The following FAM78A variants were observed in gnomAD, a reference collection of about 807,000 sequenced individuals.
The protein encoded by FAM78A is family with sequence similarity 78 member A.
FAM78A carries 12 observed loss-of-function variants against 22.6 expected under a neutral mutation model. The observed-to-expected ratio is 0.53, with a 90% CI of 0.34 to 0.86. FAM78A has a LOEUF of 0.86. FAM78A is among the 40% of genes least tolerant of loss of function. The pLI is 0.02. For synonymous variants in FAM78A, 151 were observed against 155.8 expected (o/e 0.97, Z 0.23); for missense variants, 322 against 396.1 (o/e 0.81, Z 1.59).
chr9:131,280,831 A>C (rs1049736032), upstream of FAM78A, among the ~76,000 whole-genome samples: 1 of 152,176 alleles, frequency 6.6e-6, no homozygotes, highest in East Asian at 1.9e-4. Flanking sequence ...CAGCATCTTC[A>C]TGGCTTTCCA....
chr9:131,268,263 G>A (rs12005574), intron 1 of FAM78A, among the ~76,000 whole-genome samples: 13,628 of 152,108 alleles, frequency 0.09, 1,791 homozygotes, highest in African/African-American at 0.29. Context: ...TTACAGAAAC[G>A]AATGCCCAAG....
Position 131,258,380 on chromosome 9 carries a change from C to T in FAM78A, c.*2442G>A, listed in dbSNP as rs904867322. On this transcript the variant is annotated 3_prime_UTR_variant, in exon 2 of 2. Coordinates refer to ENST00000372271, the MANE Select transcript of FAM78A (RefSeq NM_033387.4). ...AGCAGACCGGGGCTCAGCTGAGCGT[C>T]CGTGGCCGGACCTGCAGCCTCTCCA... The T allele has an allele frequency of 2.0e-5, 3 of 152,556 alleles. No homozygotes were observed. The East Asian group carries it at 5.8e-4, about 30-fold the overall frequency. The allele number at this position is 152,556 out of a possible 1,614,324, so 9.5% of individuals were successfully genotyped here.
rs1835432931 is a variant in FAM78A, at chr9:131,272,484, C to T, written c.323+3373G>A. Among the ~76,000 whole-genome samples, 1 of 152,246 alleles carries T rather than the reference C, an allele frequency of 6.6e-6. No individual in the cohort carries two copies. Among genetic ancestry groups the T allele is most frequent in the African/African-American group, 2.4e-5 (1 of 41,464 alleles). On this transcript the variant is annotated intron_variant, in intron 1 of 1. Coordinates refer to ENST00000372271, the MANE Select transcript of FAM78A (RefSeq NM_033387.4). The surrounding 1 kb of genome is among the most constrained non-coding windows in gnomAD (Gnocchi z 4.1). ...CCCCCCACCAGCACAGACAGAATTA[C>T]CTGACCCTGGGCCAGGCAGAGCAGA...
At chr9:131,273,755 T>C (rs1835447083) in intron 1 of FAM78A, among the ~76,000 whole-genome samples, 3 of 152,192 alleles carry the variant, frequency 2.0e-5, no homozygotes, top group African/African-American at 4.8e-5. Context: ...CATTACTGCC[T>C]GCGGTAAGTA....
rs1835331462 is a variant in FAM78A, at chr9:131,265,394, T to C, written c.324-4044A>G. On this transcript the variant is annotated intron_variant, in intron 1 of 1. Coordinates refer to ENST00000372271, the MANE Select transcript of FAM78A (RefSeq NM_033387.4). The surrounding 1 kb of genome is among the most constrained non-coding windows in gnomAD (Gnocchi z 4.3). ...CCTCAGCTTCCCAAGTAGCTGGGAT[T>C]ACAGGCATGTGCCACCATGCCGGAC... 6.6e-6 allele frequency among the ~76,000 whole-genome samples: 1 copy of C among 152,164 alleles called. No homozygotes were observed. Among genetic ancestry groups the C allele is most frequent in the Admixed American group, 6.5e-5 (1 of 15,278 alleles).
At chr9:131,268,149 C>A (rs1485470847) in intron 1 of FAM78A, among the ~76,000 whole-genome samples, 1 of 152,116 alleles carries the variant, frequency 6.6e-6, no homozygotes, top group Non-Finnish European at 1.5e-5. Flanking sequence ...CTCACACAGG[C>A]TGGGCAGGAA....
chr9:131,266,034 G>C (rs1404923705), intron 1 of FAM78A, among the ~76,000 whole-genome samples: 2 of 152,308 alleles, frequency 1.3e-5, no homozygotes, highest in East Asian at 3.9e-4. Context: ...CCTGACATGG[G>C]TGGACAGAGC....
At chr9:131,264,787 G>T in intron 1 of FAM78A, 4 of 579,198 alleles carry the variant, frequency 6.9e-6, no homozygotes, top group Admixed American at 3.0e-5. Context: ...GCAGTGGCGG[G>T]ATCTCTGCTC....
chr9:131,273,759 G>GT (rs1305431758), intron 1 of FAM78A, among the ~76,000 whole-genome samples: 2 of 152,354 alleles, frequency 1.3e-5, no homozygotes, highest in East Asian at 3.9e-4. Flanking sequence ...ACTGCCTGCG[G>GT]TAAGTATTCA....
chr9:131,280,860 T>C (rs1310639218), upstream of FAM78A, among the ~76,000 whole-genome samples: 2 of 152,112 alleles, frequency 1.3e-5, no homozygotes, highest in African/African-American at 4.8e-5. Context: ...CCAGAACTGA[T>C]CCAGAGAAAC....
chr9:131,278,504 G>A (rs1245036894), upstream of FAM78A, among the ~76,000 whole-genome samples: 1 of 152,158 alleles, frequency 6.6e-6, no homozygotes, highest in Non-Finnish European at 1.5e-5. Context: ...GCTGCCTGTT[G>A]GACCCCGGCT....
intron 1 of FAM78A, among the ~76,000 whole-genome samples, chr9:131,268,700 A>C (rs1483499048): frequency 1.3e-5 from 2 of 151,852 alleles, no homozygotes; most frequent in Non-Finnish European, 2.9e-5. Context: ...GGAGATCGAG[A>C]CAGAGACGGG....
chr9:131,270,032 T>TAAAAAAAAAAAAA (rs1435340970), intron 1 of FAM78A, among the ~76,000 whole-genome samples: 5 of 34,098 alleles, frequency 1.5e-4, no homozygotes, highest in African/African-American at 4.7e-4. Flanking sequence ...CCATCCCTAC[T>TAAAAAAAAAAAAA]AAAATAAAAA....
upstream of FAM78A, among the ~76,000 whole-genome samples, chr9:131,278,302 C>A (rs1030280007): frequency 2.6e-5 from 4 of 152,176 alleles, no homozygotes; most frequent in Admixed American, 6.5e-5. Context: ...GCCCTTTGAA[C>A]TCTATGGACC....
chr9:131,264,315 G>A, intron 1 of FAM78A: 1 of 466,660 alleles, frequency 2.1e-6, no homozygotes. Flanking sequence ...GGCAAAGACA[G>A]GTGAGGAGCC....
intron 1 of FAM78A, chr9:131,264,586 C>A (rs1164797514): frequency 2.8e-6 from 2 of 717,210 alleles, no homozygotes; most frequent in Non-Finnish European, 2.6e-6. Flanking sequence ...ATACTCACTG[C>A]CTGGTGCAGC....
intron 1 of FAM78A, among the ~76,000 whole-genome samples, chr9:131,266,615 G>C (rs561466069): frequency 1.1e-4 from 16 of 152,198 alleles, no homozygotes; most frequent in Non-Finnish European, 2.4e-4. Flanking sequence ...CCTCCACATG[G>C]GCCAGGTGCC....
chr9:131,270,032 T>TAAAAAAAAAAAAAAAA (rs1435340970), intron 1 of FAM78A, among the ~76,000 whole-genome samples: 2 of 34,098 alleles, frequency 5.9e-5, no homozygotes, highest in African/African-American at 1.9e-4. Context: ...CCATCCCTAC[T>TAAAAAAAAAAAAAAAA]AAAATAAAAA....
intron 1 of FAM78A, chr9:131,264,685 T>G: frequency 1.4e-6 from 1 of 705,666 alleles, no homozygotes. Context: ...GTAGCCCTGA[T>G]TTGACCCAAA....
Sources: allele counts gnomAD v4.1 joint callset (sites outside exome capture counted in the v4.1 genomes callset), GRCh38; gene constraint gnomAD v4.1.1; non-coding constraint Gnocchi (gnomAD v3.1); transcripts MANE v1.5; gene names NCBI Gene and HGNC (gene_info 2026-07-23, HGNC 2026-07-21).